The following TRHDE variants were observed in gnomAD, a reference collection of about 807,000 sequenced individuals.
TRHDE encodes the protein thyrotropin-releasing hormone-degrading ectoenzyme.
In TRHDE, 72 loss-of-function variants were observed where a neutral mutation model predicts 125.7. The observed-to-expected ratio is 0.57, with a 90% CI of 0.47 to 0.70. The LOEUF (loss-of-function observed/expected upper bound fraction) is 0.70. Among genes scored for constraint, TRHDE ranks in the 30% least tolerant of loss-of-function variants. TRHDE has a pLI of 0.00. For missense variants in TRHDE, 1,110 were observed against 1,327.1 expected, an observed-to-expected ratio of 0.84 and a Z score of 2.54; for synonymous variants, 509 against 509.1, an observed-to-expected ratio of 1.00 and a Z score of 0.00.
In TRHDE at chr12:72,504,713, T is replaced by C. The variant is rs1413878094; in HGVS notation, c.1722+5078T>C. ...AAGAATATTCCTGTAGATGTAGAGATGGAGTTAATATTGATAGATCTGGAA... is the reference window on the plus strand; with the variant it reads ...AAGAATATTCCTGTAGATGTAGAGACGGAGTTAATATTGATAGATCTGGAA... On this transcript the variant is annotated intron_variant, in intron 6 of 18. Coordinates refer to ENST00000261180, the MANE Select transcript of TRHDE (RefSeq NM_013381.3). 2.6e-5 allele frequency among the ~76,000 whole-genome samples: 4 copies of C among 152,228 alleles called. No individual in the cohort carries two copies. In the East Asian group the frequency reaches 7.7e-4, roughly 29 times the overall value.
intron 3 of TRHDE, among the ~76,000 whole-genome samples, chr12:72,462,705 T>C (rs1257126350): frequency 6.6e-6 from 1 of 152,212 alleles, no homozygotes; most frequent in African/African-American, 2.4e-5. Context: ...CTTTTCCTGG[T>C]CATTTGATCA....
chr12:72,227,789 A>C (rs539704414), intron 2 of TRHDE, among the ~76,000 whole-genome samples: 1 of 152,278 alleles, frequency 6.6e-6, no homozygotes, highest in African/African-American at 2.4e-5. Context: ...AACCATTCCA[A>C]ATGTGACAAA....
intron 12 of TRHDE, among the ~76,000 whole-genome samples, chr12:72,596,178 A>G (rs1300095061): frequency 1.3e-5 from 2 of 152,136 alleles, no homozygotes; most frequent in African/African-American, 4.8e-5. Context: ...CCAGTATGCA[A>G]AATGTAATTT....
At chr12:72,374,413 G>A (rs758602486) in intron 2 of TRHDE, among the ~76,000 whole-genome samples, 34 of 151,512 alleles carry the variant, frequency 2.2e-4, no homozygotes, top group Non-Finnish European at 4.4e-4. Flanking sequence ...GTGGACAGTT[G>A]AATTCATGAG....
chr12:72,579,100 G>A (rs1211283446), intron 12 of TRHDE, among the ~76,000 whole-genome samples: 6 of 151,338 alleles, frequency 4.0e-5, no homozygotes, highest in Non-Finnish European at 8.8e-5. Flanking sequence ...TGCAATGAGT[G>A]TCCATGAGGA....
intron 5 of TRHDE, among the ~76,000 whole-genome samples, chr12:72,477,832 A>G (rs1306181542): frequency 3.3e-5 from 5 of 152,192 alleles, no homozygotes; most frequent in Admixed American, 3.3e-4. Context: ...TGCATAGTGC[A>G]TAGGTGTCAT....
intron 5 of TRHDE, among the ~76,000 whole-genome samples, chr12:72,493,963 A>G (rs1287585656): frequency 6.6e-6 from 1 of 151,968 alleles, no homozygotes; most frequent in African/African-American, 2.4e-5. Context: ...GTGTTTTAAC[A>G]TTTGTTTTCG....
rs912171745 is a variant in TRHDE, at chr12:72,664,169, A to G, written c.*974A>G. On this transcript the variant is annotated 3_prime_UTR_variant, in exon 19 of 19. Coordinates refer to ENST00000261180, the MANE Select transcript of TRHDE (RefSeq NM_013381.3). ...GTTCTCCTGTGTCAGTCTTGCCTATAGATTTTGCCATCGTTTTCTGTCAAA... is the reference window on the plus strand; with the variant it reads ...GTTCTCCTGTGTCAGTCTTGCCTATGGATTTTGCCATCGTTTTCTGTCAAA... 13 of 152,466 alleles carry G rather than the reference A, an allele frequency of 8.5e-5. No homozygotes were observed. The highest frequency in any genetic ancestry group is 3.1e-4 in the African/African-American group (13 of 41,460). 9.4% of individuals were successfully genotyped at this position (152,466 alleles called of 1,614,324 possible). A position where few individuals can be genotyped will look rare whatever the true frequency, so the allele number is the denominator to read the frequency against.
At chr12:72,239,864 T>C (rs938901243) in intron 2 of TRHDE, among the ~76,000 whole-genome samples, 10 of 152,216 alleles carry the variant, frequency 6.6e-5, no homozygotes, top group African/African-American at 2.2e-4. Flanking sequence ...ATGGATTACT[T>C]GTAGTACCTT....
intron 12 of TRHDE, among the ~76,000 whole-genome samples, chr12:72,592,537 G>T (rs1369660383): frequency 6.6e-6 from 1 of 151,582 alleles, no homozygotes; most frequent in Non-Finnish European, 1.5e-5. Context: ...TTGGTAGTTT[G>T]CACATTAAGT....
chr12:72,584,745 GTAAA>G (rs1329480530), intron 12 of TRHDE, among the ~76,000 whole-genome samples: 1 of 152,008 alleles, frequency 6.6e-6, no homozygotes, highest in Non-Finnish European at 1.5e-5. Flanking sequence ...TTTTTTATGG[GTAAA>G]TAGTGTTCCA....
At chr12:72,220,228 T>C (rs926642354) in intron 2 of TRHDE, among the ~76,000 whole-genome samples, 3 of 152,084 alleles carry the variant, frequency 2.0e-5, no homozygotes, top group Non-Finnish European at 4.4e-5. Flanking sequence ...GGTGAGTGGA[T>C]TTTCTTTTCT....
chr12:72,582,101 CAAAAA>C (rs35550066), intron 12 of TRHDE: 42 of 59,546 alleles, frequency 7.1e-4, no homozygotes, highest in Admixed American at 9.4e-4. Flanking sequence ...GACTCCGTCT[CAAAAA>C]AAAAAAAAAA....
At chr12:72,592,042 A>G (rs1287335173) in intron 12 of TRHDE, among the ~76,000 whole-genome samples, 1 of 152,016 alleles carries the variant, frequency 6.6e-6, no homozygotes, top group Non-Finnish European at 1.5e-5. Flanking sequence ...TTTGAAAAAA[A>G]AAGCTTGGCT....
At chr12:72,467,255 C>T (rs1301899138) in intron 3 of TRHDE, among the ~76,000 whole-genome samples, 1 of 151,500 alleles carries the variant, frequency 6.6e-6, no homozygotes, top group African/African-American at 2.4e-5. Flanking sequence ...CACAACAGGC[C>T]CTGGTATACG....
chr12:72,401,779 G>A (rs970239456), intron 3 of TRHDE, among the ~76,000 whole-genome samples: 2 of 152,166 alleles, frequency 1.3e-5, no homozygotes, highest in African/African-American at 4.8e-5. Context: ...AAAGAGAATA[G>A]TAATAACTTG....
intron 5 of TRHDE, among the ~76,000 whole-genome samples, chr12:72,495,258 A>G (rs936615467): frequency 8.6e-5 from 13 of 151,700 alleles, no homozygotes; most frequent in Non-Finnish European, 1.6e-4. Flanking sequence ...CATCATCACC[A>G]CATCCCACTT....
chr12:72,150,629 A>C (rs1411305257), intron 2 of TRHDE, among the ~76,000 whole-genome samples: 1 of 142,192 alleles, frequency 7.0e-6, no homozygotes, highest in Non-Finnish European at 1.5e-5. Context: ...ATTCCCACCT[A>C]TGAATGAGAA....
chr12:72,475,047 A>G (rs1294736761), intron 5 of TRHDE, among the ~76,000 whole-genome samples: 1 of 152,188 alleles, frequency 6.6e-6, no homozygotes, highest in Non-Finnish European at 1.5e-5. Context: ...CATAATTTTA[A>G]TATCTTAATT....
Sources: allele counts gnomAD v4.1 joint callset (sites outside exome capture counted in the v4.1 genomes callset), GRCh38; gene constraint gnomAD v4.1.1; transcripts MANE v1.5; gene names NCBI Gene and HGNC (gene_info 2026-07-23, HGNC 2026-07-21).